USP14: variants seen among roughly 807,000 people sequenced by gnomAD.
USP14 encodes ubiquitin specific peptidase 14, also known as ubiquitin carboxyl-terminal hydrolase 14.
Under a neutral mutation model 76.5 loss-of-function variants are expected in USP14, and 38 were observed. That is an observed-to-expected ratio of 0.50 (90% CI 0.38 to 0.65). The LOEUF (loss-of-function observed/expected upper bound fraction) is 0.65. USP14 is among the 30% of genes least tolerant of loss of function. The probability of loss-of-function intolerance (pLI) is 0.00; values close to 1 mark genes in which losing one functional copy is unlikely to be tolerated. For missense variants in USP14, 467 were observed against 586.5 expected, an observed-to-expected ratio of 0.80 and a Z score of 2.10; for synonymous variants, 192 against 191.7, an observed-to-expected ratio of 1.00 and a Z score of -0.01.
At chr18:159,459 G>C (rs988028438) in intron 1 of USP14, among the ~76,000 whole-genome samples, 7 of 152,162 alleles carry the variant, frequency 4.6e-5, no homozygotes, top group Non-Finnish European at 1.0e-4. Context: ...GGACCTTGCT[G>C]CTCCCTAGCC....
intron 3 of USP14, among the ~76,000 whole-genome samples, chr18:173,765 A>G (rs1426903510): frequency 6.6e-6 from 1 of 152,184 alleles, no homozygotes; most frequent in South Asian, 2.1e-4. Flanking sequence ...CTGTTAAGCA[A>G]TGGTTGAGGT....
intron 12 of USP14, among the ~76,000 whole-genome samples, chr18:203,507 T>C (rs549623541): frequency 6.6e-6 from 1 of 152,228 alleles, no homozygotes; most frequent in East Asian, 1.9e-4. Context: ...TACCCAGAAA[T>C]AGTGCCCTAG....
At chr18:196,393 G>C (rs1353173996) in intron 6 of USP14, 1 of 275,632 alleles carries the variant, frequency 3.6e-6, no homozygotes, top group Non-Finnish European at 6.8e-6. Context: ...GAATGGTGGC[G>C]TGTGCCTGTA....
intron 3 of USP14, among the ~76,000 whole-genome samples, chr18:167,120 A>G (rs1302654720): frequency 6.6e-6 from 1 of 152,036 alleles, no homozygotes; most frequent in Non-Finnish European, 1.5e-5. Flanking sequence ...GTGGTGGTGC[A>G]CGCCTGTAAT....
intron 1 of USP14, chr18:158,985 G>GT: frequency 2.6e-6 from 1 of 390,852 alleles, no homozygotes; most frequent in Non-Finnish European, 4.4e-6. Context: ...CTGCAGAATA[G>GT]TTTCTGACGC....
intron 13 of USP14, 116 bp from the exon 14 acceptor site, chr18:209,855 G>C: frequency 1.4e-6 from 1 of 693,622 alleles, no homozygotes; most frequent in Non-Finnish European, 2.3e-6. Flanking sequence ...AAGGTAGACT[G>C]TATTTTGTCT....
intron 14 of USP14, 177 bp from the exon 15 acceptor site, chr18:210,209 G>A (rs1231206713): frequency 8.7e-6 from 6 of 688,130 alleles, no homozygotes; most frequent in East Asian, 2.8e-5. Flanking sequence ...AGTTCTATGA[G>A]TAAGTTACTT....
chr18:166,089 C>T (rs868295544), intron 2 of USP14, among the ~76,000 whole-genome samples: 25 of 152,314 alleles, frequency 1.6e-4, no homozygotes, highest in Admixed American at 5.2e-4. Context: ...ATTAACTCTT[C>T]ATTCTTGCCA....
intron 8 of USP14, 33 bp downstream of exon 8, chr18:197,729 C>A (rs74816514): frequency 8.5e-6 from 13 of 1,522,382 alleles, no homozygotes; most frequent in South Asian, 7.2e-5. Context: ...TATAGACTTT[C>A]GTTATACCTT....
At position 203,280 on chromosome 18, in the gene USP14, A is replaced by G. The variant is rs1910432576; in HGVS notation, c.1035+90A>G. On this transcript the variant is annotated intron_variant, in intron 12 of 15. Coordinates refer to ENST00000261601, the MANE Select transcript of USP14 (RefSeq NM_005151.4). Reference sequence around the variant, plus strand: ...TTGCTTTCATTATTCCTTTAGGAATAGTTAAGCTTTCTTTGAAATATTTAG... The same window carrying G: ...TTGCTTTCATTATTCCTTTAGGAATGGTTAAGCTTTCTTTGAAATATTTAG... 23 of 1,209,014 alleles carry G rather than the reference A, an allele frequency of 1.9e-5. 1 individual carries two copies. The South Asian group carries it at 3.2e-4, about 17-fold the overall frequency. 74.9% of individuals were successfully genotyped at this position (1,209,014 alleles called of 1,614,324 possible).
rs930735914 is a variant in USP14, at chr18:180,674, A to G, written c.404+335A>G. ...GGGCATTTCATGTAAATTGAATCGT[A>G]TAATATGTGGCCTTTTTGCGGCTAA... On this transcript the variant is annotated intron_variant, in intron 5 of 15. Coordinates refer to ENST00000261601, the MANE Select transcript of USP14 (RefSeq NM_005151.4). Among the ~76,000 whole-genome samples, 7 of 152,332 alleles carry G rather than the reference A, an allele frequency of 4.6e-5. No homozygotes were observed. In the South Asian group the frequency reaches 8.3e-4, roughly 18 times the overall value.
intron 5 of USP14, among the ~76,000 whole-genome samples, chr18:188,082 CTT>C (rs1265226977): frequency 7.2e-5 from 11 of 152,030 alleles, no homozygotes; most frequent in African/African-American, 2.4e-4. Flanking sequence ...GGAATTCTCT[CTT>C]GTTTTTGATT....
At position 177,093 on chromosome 18, in the gene USP14, C is replaced by CT. The variant is rs1399392628; in HGVS notation, c.196-1833dup. ...TCATGTCTTCCAGTTTATTTAGGTG[C>CT]TTTTTTTAAAAATATCCTTAAGTAA... is the stretch of plus-strand genomic sequence containing the variant. On this transcript the variant is annotated intron_variant, in intron 3 of 15. Coordinates refer to ENST00000261601, the MANE Select transcript of USP14 (RefSeq NM_005151.4). Among the ~76,000 whole-genome samples, 4 of 152,054 alleles carry CT rather than the reference C, an allele frequency of 2.6e-5. No homozygotes were observed. In the South Asian group the frequency reaches 8.3e-4, roughly 31 times the overall value.
intron 3 of USP14, among the ~76,000 whole-genome samples, chr18:170,647 A>G (rs932910844): frequency 3.3e-5 from 5 of 152,206 alleles, no homozygotes; most frequent in Non-Finnish European, 7.3e-5. Flanking sequence ...ACTAGCCACA[A>G]CATTTTCTTA....
In USP14 at chr18:213,346, T is replaced by TACC. The variant is rs1567839158; in HGVS notation, c.*2063_*2064insCCA. 1 of 151,932 alleles carries TACC rather than the reference T, an allele frequency of 6.6e-6. No individual in the cohort carries two copies. Among genetic ancestry groups the TACC allele is most frequent in the East Asian group, 1.9e-4 (1 of 5,174 alleles). The allele number at this position is 151,932 out of a possible 1,614,324, so 9.4% of individuals were successfully genotyped here. A position where few individuals can be genotyped will look rare whatever the true frequency, so the allele number is the denominator to read the frequency against. On this transcript the variant is annotated 3_prime_UTR_variant, in exon 16 of 16. Transcript: ENST00000261601. ...ATTTTAAAAATTGTAATTAATTCCTTATCATCATTATAAAAAGCTTGATTT... is the reference window on the plus strand; with the variant it reads ...ATTTTAAAAATTGTAATTAATTCCTTACCATCATCATTATAAAAAGCTTGATTT...
At chr18:174,752 G>A (rs1231576277) in intron 3 of USP14, among the ~76,000 whole-genome samples, 1 of 151,798 alleles carries the variant, frequency 6.6e-6, no homozygotes, top group Non-Finnish European at 1.5e-5. Context: ...CTATAGGCAT[G>A]CACCATTGTG....
chr18:201,599 C>G (rs1399296104), intron 10 of USP14, among the ~76,000 whole-genome samples: 1 of 152,144 alleles, frequency 6.6e-6, no homozygotes, highest in Admixed American at 6.5e-5. Context: ...TAAAAACACA[C>G]AAAACTTCTT....
intron 3 of USP14, among the ~76,000 whole-genome samples, chr18:169,056 A>G (rs1909362739): frequency 6.6e-6 from 1 of 151,346 alleles, no homozygotes; most frequent in Non-Finnish European, 1.5e-5. Context: ...TAGCCTGGGC[A>G]ACAGAGCGAG....
chr18:188,072 G>A (rs1909981730), intron 5 of USP14, among the ~76,000 whole-genome samples: 1 of 152,046 alleles, frequency 6.6e-6, no homozygotes, highest in African/African-American at 2.4e-5. Flanking sequence ...AGATGGTTGT[G>A]GAATTCTCTC....
Sources: gnomAD v4.1 joint callset for allele counts (sites outside exome capture counted in the v4.1 genomes callset) on GRCh38, gnomAD v4.1.1 for gene constraint, MANE v1.5 for transcripts, NCBI Gene and HGNC (gene_info 2026-07-23, HGNC 2026-07-21) for gene names.